BRINP3: variants seen among roughly 807,000 people sequenced by gnomAD.
BRINP3 encodes the protein BMP/retinoic acid inducible neural specific 3, also known as BMP/retinoic acid-inducible neural-specific protein 3.
A neutral mutation model predicts 71.0 loss-of-function variants in BRINP3; 19 were observed. The observed-to-expected ratio is 0.27, with a 90% CI of 0.19 to 0.39. The LOEUF is 0.39. Among genes scored for constraint, BRINP3 ranks in the 10% least tolerant of loss-of-function variants. The pLI, the probability that BRINP3 is intolerant of heterozygous loss-of-function variation, is 1.00. For missense variants in BRINP3, 959 were observed against 940.8 expected (o/e 1.02, Z -0.25); for synonymous variants, 380 against 337.7 (o/e 1.13, Z -1.37).
In BRINP3 at chr1:190,449,706, G is replaced by T. The variant is rs541135544; in HGVS notation, c.236+4949C>A. On this transcript the variant is annotated intron_variant, in intron 2 of 7. Transcript: ENST00000367462. ...GTGCCTCCAAATCCTTCTTTGGTTT[G>T]CAGGAGACTGCACTGATATGTAGTG... 2.6e-5 allele frequency among the ~76,000 whole-genome samples: 4 copies of T among 152,268 alleles called. No individual in the cohort carries two copies. In the East Asian group the frequency reaches 5.8e-4, roughly 22 times the overall value.
intron 2 of BRINP3, among the ~76,000 whole-genome samples, chr1:190,441,458 G>A (rs879686762): frequency 4.6e-5 from 7 of 152,026 alleles, no homozygotes; most frequent in African/African-American, 7.2e-5. Flanking sequence ...TTGGAATTTA[G>A]CAATTTCCAT....
intron 2 of BRINP3, among the ~76,000 whole-genome samples, chr1:190,416,349 G>GTTTATTA (rs1440223761): frequency 6.6e-6 from 1 of 151,984 alleles, no homozygotes; most frequent in Non-Finnish European, 1.5e-5. Flanking sequence ...TCCACTAGAT[G>GTTTATTA]GTAATAGTGC....
rs182955127 is a variant in BRINP3 at position 190,447,204 on chromosome 1, A to C, written c.236+7451T>G. 8.3e-3 allele frequency among the ~76,000 whole-genome samples: 1,252 copies of C among 151,062 alleles called. 22 individuals are homozygous for C. Among genetic ancestry groups the C allele is most frequent in the African/African-American group, 0.029 (1,202 of 41,380 alleles). ...TGAAAGCACTAATTACATAATGAAA[A>C]TATAATATTTAATTTCAATCTCTTT... On this transcript the variant is annotated intron_variant, in intron 2 of 7. Coordinates refer to ENST00000367462, the MANE Select transcript of BRINP3 (RefSeq NM_199051.3).
In BRINP3 at chr1:190,387,689, C is replaced by T. The variant is rs538994328; in HGVS notation, c.236+66966G>A. Reference sequence around the variant, plus strand: ...CCTATGTCTCATTTGTTTGCTTGCTCATTTGTTTTCTAAGCTTTGAAGTGT... The same window carrying T: ...CCTATGTCTCATTTGTTTGCTTGCTTATTTGTTTTCTAAGCTTTGAAGTGT... On this transcript the variant is annotated intron_variant, in intron 2 of 7. Transcript: ENST00000367462. 4.6e-5 allele frequency among the ~76,000 whole-genome samples: 7 copies of T among 151,816 alleles called. No individual in the cohort carries two copies. The South Asian group carries it at 1.5e-3, about 31-fold the overall frequency.
rs886273949 is a variant in BRINP3, at chr1:190,274,532, T to C, written c.427+7028A>G. ...TCACAGAAATATACATTGAAAACAT[T>C]GTTTAAATGTAATTGTTTGTAGGTT... On this transcript the variant is annotated intron_variant, in intron 3 of 7. Coordinates refer to ENST00000367462, the MANE Select transcript of BRINP3 (RefSeq NM_199051.3). 1.5e-4 allele frequency among the ~76,000 whole-genome samples: 22 copies of C among 151,670 alleles called. 1 individual carries two copies. Among genetic ancestry groups the C allele is most frequent in the African/African-American group, 5.3e-4 (22 of 41,400 alleles).
chr1:190,338,368 A>AT (rs1667429191), intron 2 of BRINP3, among the ~76,000 whole-genome samples: 2 of 152,034 alleles, frequency 1.3e-5, no homozygotes, highest in South Asian at 2.1e-4. Context: ...TAAATTTGTT[A>AT]TTTTTTTCTG....
chr1:190,393,394 G>T (rs1671375051), intron 2 of BRINP3, among the ~76,000 whole-genome samples: 1 of 151,480 alleles, frequency 6.6e-6, no homozygotes, highest in African/African-American at 2.4e-5. Context: ...GCTAACGTGG[G>T]ACCAGGTCTA....
chr1:190,159,985 A>G (rs998598197), intron 7 of BRINP3, among the ~76,000 whole-genome samples: 1 of 152,068 alleles, frequency 6.6e-6, no homozygotes, highest in Non-Finnish European at 1.5e-5. Flanking sequence ...TGTAAGATAT[A>G]CTGATACAAA....
intron 7 of BRINP3, among the ~76,000 whole-genome samples, chr1:190,135,211 TA>T (rs1654873494): frequency 6.6e-6 from 1 of 152,000 alleles, no homozygotes; most frequent in African/African-American, 2.4e-5. Flanking sequence ...AAATACTCAA[TA>T]AAAATCAAGA....
chr1:190,312,565 G>A (rs1265943816), intron 2 of BRINP3, among the ~76,000 whole-genome samples: 1 of 151,582 alleles, frequency 6.6e-6, no homozygotes, highest in Non-Finnish European at 1.5e-5. Context: ...AATAGGAAAT[G>A]AAATAGACCT....
intron 2 of BRINP3, among the ~76,000 whole-genome samples, chr1:190,401,376 C>CAAAAAAAAAAA (rs762938571): frequency 2.2e-5 from 2 of 89,334 alleles, no homozygotes; most frequent in Admixed American, 1.5e-4. Context: ...CATCTCAAAA[C>CAAAAAAAAAAA]AAAAAAAAAA....
intron 2 of BRINP3, among the ~76,000 whole-genome samples, chr1:190,353,171 A>G (rs1225846133): frequency 6.6e-6 from 1 of 152,072 alleles, no homozygotes; most frequent in Admixed American, 6.6e-5. Flanking sequence ...CCTTTTTATA[A>G]TAAGTTCCTT....
intron 6 of BRINP3, among the ~76,000 whole-genome samples, chr1:190,205,236 C>T (rs1365447360): frequency 6.6e-6 from 1 of 150,772 alleles, no homozygotes; most frequent in Non-Finnish European, 1.5e-5. Flanking sequence ...TCATGATCTC[C>T]TGAGGTCATT....
chr1:190,295,553 G>T (rs1375974660), intron 2 of BRINP3, among the ~76,000 whole-genome samples: 2 of 152,084 alleles, frequency 1.3e-5, no homozygotes, highest in Non-Finnish European at 2.9e-5. Context: ...TTTACTGAGG[G>T]CCCGAGGCCA....
chr1:190,337,552 G>A (rs549516510), intron 2 of BRINP3, among the ~76,000 whole-genome samples: 3 of 152,116 alleles, frequency 2.0e-5, no homozygotes, highest in Admixed American at 1.3e-4. Flanking sequence ...CGTGCTGAAT[G>A]CTTCCTGCCC....
At chr1:190,265,539 A>AATATATATATATATATATATATATATAT (rs36099005) in intron 3 of BRINP3, among the ~76,000 whole-genome samples, 15 of 139,256 alleles carry the variant, frequency 1.1e-4, no homozygotes, top group African/African-American at 3.7e-4. Context: ...GTCTCTACTA[A>AATATATATATATATATATATATATATAT]ATATATATAT....
intron 2 of BRINP3, among the ~76,000 whole-genome samples, chr1:190,446,619 T>G (rs1463443981): frequency 6.6e-6 from 1 of 152,120 alleles, no homozygotes; most frequent in Non-Finnish European, 1.5e-5. Flanking sequence ...GTTTTAATGC[T>G]TTTAACCTAT....
At chr1:190,303,737 T>G (rs1244191652) in intron 2 of BRINP3, among the ~76,000 whole-genome samples, 4 of 151,822 alleles carry the variant, frequency 2.6e-5, no homozygotes, top group African/African-American at 9.7e-5. Context: ...TTAACTACTT[T>G]GAATTTGGCT....
chr1:190,230,534 A>G (rs1282619120), intron 5 of BRINP3, among the ~76,000 whole-genome samples: 1 of 151,900 alleles, frequency 6.6e-6, no homozygotes, highest in Non-Finnish European at 1.5e-5. Flanking sequence ...TTTTACAATA[A>G]AAATATTACT....
Sources: allele counts gnomAD v4.1 joint callset (sites outside exome capture counted in the v4.1 genomes callset), GRCh38; gene constraint gnomAD v4.1.1; transcripts MANE v1.5; gene names NCBI Gene and HGNC (gene_info 2026-07-23, HGNC 2026-07-21).